Variants in CSMD1 observed in about 807,000 individuals in gnomAD.
CSMD1 encodes CUB and sushi domain-containing protein 1.
A neutral mutation model predicts 417.5 loss-of-function variants in CSMD1; 213 were observed. The observed-to-expected ratio is 0.51, with a 90% CI of 0.46 to 0.57. The LOEUF is 0.57. Ranked by LOEUF, CSMD1 falls within the 20% of genes least tolerant of loss-of-function variation. The pLI is 0.00. For missense variants in CSMD1, 6,923 were observed against 4,529.7 expected (o/e 1.53, Z -15.17); for synonymous variants, 2,862 against 1,736.8 (o/e 1.65, Z -16.11).
intron 26 of CSMD1, among the ~76,000 whole-genome samples, chr8:3,271,481 C>A (rs1801850281): frequency 6.8e-6 from 1 of 146,950 alleles, no homozygotes; most frequent in African/African-American, 2.6e-5. Context: ...ATTTCTAGTT[C>A]TAGATCCCTG....
chr8:3,065,340 A>C (rs1812868197), intron 49 of CSMD1, among the ~76,000 whole-genome samples: 1 of 152,126 alleles, frequency 6.6e-6, no homozygotes, highest in Admixed American at 6.6e-5. Flanking sequence ...ACAGATAGAA[A>C]GATAGATACA....
At chr8:3,932,273 G>T (rs1040792181) in intron 5 of CSMD1, among the ~76,000 whole-genome samples, 1 of 150,542 alleles carries the variant, frequency 6.6e-6, no homozygotes, top group East Asian at 1.9e-4. Context: ...ATAGTTGGTT[G>T]AGAATTCTCA....
intron 12 of CSMD1, among the ~76,000 whole-genome samples, chr8:3,444,371 A>G (rs1815173059): frequency 6.6e-6 from 1 of 152,208 alleles, no homozygotes; most frequent in South Asian, 2.1e-4. Flanking sequence ...AACAAAGATA[A>G]TACATTCCAT....
intron 1 of CSMD1, among the ~76,000 whole-genome samples, chr8:4,835,009 GAAAA>G (rs55647107): frequency 1.3e-5 from 1 of 76,082 alleles, no homozygotes; most frequent in African/African-American, 4.6e-5. Context: ...AAGAAAGAAA[GAAAA>G]AAAAATCACA....
chr8:3,286,571 T>C (rs1159270633), intron 25 of CSMD1, among the ~76,000 whole-genome samples: 1 of 152,284 alleles, frequency 6.6e-6, no homozygotes, highest in East Asian at 1.9e-4. Context: ...ATTTCTCTGA[T>C]GGCCGGTGAT....
intron 2 of CSMD1, among the ~76,000 whole-genome samples, chr8:4,599,106 G>C (rs1332703993): frequency 6.6e-6 from 1 of 152,180 alleles, no homozygotes; most frequent in Non-Finnish European, 1.5e-5. Flanking sequence ...TAAGTAAAAA[G>C]TGTTAGAACG....
At chr8:4,520,053 C>G (rs190661731) in intron 2 of CSMD1, among the ~76,000 whole-genome samples, 5 of 152,108 alleles carry the variant, frequency 3.3e-5, no homozygotes, top group African/African-American at 1.2e-4. Context: ...TTGTTTAACA[C>G]TCAACTTTCT....
intron 1 of CSMD1, among the ~76,000 whole-genome samples, chr8:4,675,567 T>C (rs921184127): frequency 2.0e-5 from 3 of 152,072 alleles, no homozygotes; most frequent in African/African-American, 7.2e-5. Context: ...GTAGAGACAA[T>C]AAAGGCCTAA....
At chr8:3,217,169 T>C (rs1484287396) in intron 29 of CSMD1, among the ~76,000 whole-genome samples, 2 of 152,124 alleles carry the variant, frequency 1.3e-5, no homozygotes, top group Non-Finnish European at 2.9e-5. Flanking sequence ...CCAGGCTACA[T>C]GCAATGACAT....
chr8:4,602,885 G>A (rs936475445), intron 2 of CSMD1, among the ~76,000 whole-genome samples: 4 of 151,542 alleles, frequency 2.6e-5, no homozygotes, highest in South Asian at 2.1e-4. Flanking sequence ...AAATAATAAC[G>A]CTATCATATA....
intron 3 of CSMD1, among the ~76,000 whole-genome samples, chr8:4,311,353 C>A (rs1798554645): frequency 6.6e-6 from 1 of 152,188 alleles, no homozygotes; most frequent in African/African-American, 2.4e-5. Context: ...TTTGCAGCAA[C>A]ATGGATGGAG....
chr8:3,958,159 T>C (rs1368556414), intron 5 of CSMD1, among the ~76,000 whole-genome samples: 1 of 152,180 alleles, frequency 6.6e-6, no homozygotes, highest in African/African-American at 2.4e-5. Flanking sequence ...TCTGTCCTTC[T>C]GGCAAGCAAA....
chr8:4,227,848 C>T (rs1227667811), intron 3 of CSMD1, among the ~76,000 whole-genome samples: 2 of 151,076 alleles, frequency 1.3e-5, no homozygotes, highest in African/African-American at 2.4e-5. Flanking sequence ...CATTAAACCC[C>T]ACACCAGGAG....
At chr8:3,410,308 T>C (rs1430536757) in intron 12 of CSMD1, among the ~76,000 whole-genome samples, 1 of 152,220 alleles carries the variant, frequency 6.6e-6, no homozygotes, top group African/African-American at 2.4e-5. Context: ...GGTCCTGTTC[T>C]AGGTAAGGGC....
intron 3 of CSMD1, among the ~76,000 whole-genome samples, chr8:4,046,609 TG>T (rs749762045): frequency 0.11 from 16,005 of 152,164 alleles, 254 homozygotes; most frequent in East Asian, 0.3. Context: ...TGTTGATTGT[TG>T]AGTCTTGATA....
At chr8:4,459,731 G>C (rs983474430) in intron 2 of CSMD1, among the ~76,000 whole-genome samples, 5 of 152,186 alleles carry the variant, frequency 3.3e-5, no homozygotes, top group African/African-American at 1.2e-4. Context: ...AAGCAATCAG[G>C]TGGAAATTTA....
intron 55 of CSMD1, among the ~76,000 whole-genome samples, chr8:2,976,168 A>T (rs867040112): frequency 2.6e-5 from 4 of 152,116 alleles, no homozygotes; most frequent in African/African-American, 7.2e-5. Flanking sequence ...TGAAGTTAGA[A>T]TTTGAGATGA....
At chr8:3,404,198 G>C (rs1199930864) in intron 15 of CSMD1, among the ~76,000 whole-genome samples, 3 of 152,114 alleles carry the variant, frequency 2.0e-5, no homozygotes, top group African/African-American at 2.4e-5. Flanking sequence ...GCCAGGCGTG[G>C]TGGCAGGTGT....
chr8:3,232,214 T>C (rs1267671396), intron 26 of CSMD1, among the ~76,000 whole-genome samples: 1 of 152,240 alleles, frequency 6.6e-6, no homozygotes, highest in Non-Finnish European at 1.5e-5. Context: ...ACAGTGACTA[T>C]AAATGTATGC....
Sources: gnomAD v4.1 joint callset for allele counts (sites outside exome capture counted in the v4.1 genomes callset) on GRCh38, gnomAD v4.1.1 for gene constraint, MANE v1.5 for transcripts, NCBI Gene and HGNC (gene_info 2026-07-23, HGNC 2026-07-21) for gene names.